The following WASF1 variants were observed in gnomAD, a reference collection of about 807,000 sequenced individuals.
WASF1 encodes the protein actin-binding protein WASF1.
In WASF1, 7 loss-of-function variants were observed where a neutral mutation model predicts 50.5. That is an observed-to-expected ratio of 0.14 (90% CI 0.08 to 0.26). The LOEUF (loss-of-function observed/expected upper bound fraction) is 0.26. Ranked by LOEUF, WASF1 falls within the 10% of genes least tolerant of loss-of-function variation. WASF1 has a pLI of 1.00. For synonymous variants in WASF1, 205 were observed against 244.0 expected, an observed-to-expected ratio of 0.84 and a Z score of 1.49; for missense variants, 470 against 694.7, an observed-to-expected ratio of 0.68 and a Z score of 3.64.
intron 2 of WASF1, among the ~76,000 whole-genome samples, chr6:110,167,806 A>G (rs1049948093): frequency 6.6e-6 from 1 of 152,000 alleles, no homozygotes; most frequent in African/African-American, 2.4e-5. Flanking sequence ...ATAAATCATC[A>G]CCATCTTTCT....
intron 2 of WASF1, 66 bp downstream of exon 2, chr6:110,178,532 G>A (rs949760460): frequency 6.6e-6 from 1 of 152,530 alleles, no homozygotes; most frequent in African/African-American, 2.4e-5. Context: ...AAAAATTTAA[G>A]TCGAATCCAC....
rs115490192 is a variant in WASF1, at chr6:110,126,460, C to T, written c.133+1009G>A. ...CAAATGTAACTTTTTATGTTGCTCT[C>T]GCTACAGGTATGCCTAAACTTTCTT... is the stretch of plus-strand genomic sequence containing the variant. On this transcript the variant is annotated intron_variant, in intron 4 of 10. Coordinates refer to ENST00000392589, the MANE Select transcript of WASF1 (RefSeq NM_003931.3). Among the ~76,000 whole-genome samples the T allele has an allele frequency of 3.8e-3, 581 of 152,256 alleles. 3 individuals carry two copies. The highest frequency in any genetic ancestry group is 0.013 in the African/African-American group (541 of 41,564).
intron 3 of WASF1, among the ~76,000 whole-genome samples, chr6:110,130,006 C>T (rs1221998687): frequency 6.6e-6 from 1 of 152,170 alleles, no homozygotes; most frequent in Non-Finnish European, 1.5e-5. Context: ...TATCAGTGAA[C>T]AACGGTTACT....
intron 2 of WASF1, among the ~76,000 whole-genome samples, chr6:110,162,442 C>CAAAAAAAAAAAAAAAA (rs546932624): frequency 2.9e-5 from 2 of 68,616 alleles, no homozygotes; most frequent in Non-Finnish European, 6.4e-5. Flanking sequence ...AAAGACAAGG[C>CAAAAAAAAAAAAAAAA]AAAAAAAAAA....
At chr6:110,112,188 A>C (rs1019817185) in intron 5 of WASF1, among the ~76,000 whole-genome samples, 12 of 151,922 alleles carry the variant, frequency 7.9e-5, no homozygotes, top group Non-Finnish European at 1.8e-4. Context: ...TAGATCTATT[A>C]TATAATTTGC....
intron 8 of WASF1, among the ~76,000 whole-genome samples, chr6:110,103,792 ATTATT>A (rs1441425844): frequency 2.0e-5 from 3 of 151,978 alleles, no homozygotes; most frequent in African/African-American, 7.3e-5. Context: ...CGGTTATTTT[ATTATT>A]TTATAACAGA....
At chr6:110,116,673 G>C in intron 4 of WASF1, among the ~76,000 whole-genome samples, 1 of 152,198 alleles carries the variant, frequency 6.6e-6, no homozygotes, top group East Asian at 1.9e-4. Flanking sequence ...GAGAGCAGTG[G>C]TTCTCTCAGC....
At chr6:110,136,284 C>T (rs1562176458) in intron 3 of WASF1, among the ~76,000 whole-genome samples, 1 of 152,126 alleles carries the variant, frequency 6.6e-6, no homozygotes, top group East Asian at 1.9e-4. Context: ...CACTTTGTAT[C>T]ACTTCATCCT....
At chr6:110,140,855 T>A (rs751977211) in intron 3 of WASF1, among the ~76,000 whole-genome samples, 3 of 152,044 alleles carry the variant, frequency 2.0e-5, no homozygotes, top group African/African-American at 7.3e-5. Context: ...TTAAGCTATG[T>A]CAGAAGGAGC....
intron 2 of WASF1, among the ~76,000 whole-genome samples, chr6:110,168,555 T>A (rs189681397): frequency 1.4e-4 from 21 of 152,194 alleles, no homozygotes; most frequent in African/African-American, 5.1e-4. Context: ...ACCACCTTCA[T>A]CCCTCCAAGA....
chr6:110,140,996 T>C (rs1231727576), intron 3 of WASF1, among the ~76,000 whole-genome samples: 2 of 152,198 alleles, frequency 1.3e-5, no homozygotes, highest in Admixed American at 1.3e-4. Flanking sequence ...CAAGATTTCA[T>C]CATGCTACTC....
At chr6:110,141,044 T>C (rs917239546) in intron 3 of WASF1, among the ~76,000 whole-genome samples, 28 of 152,208 alleles carry the variant, frequency 1.8e-4, no homozygotes, top group Non-Finnish European at 3.8e-4. Flanking sequence ...AATTTTTTTT[T>C]CTGGAATTTT....
intron 3 of WASF1, among the ~76,000 whole-genome samples, chr6:110,147,482 T>G (rs567052918): frequency 9.9e-5 from 15 of 152,024 alleles, no homozygotes; most frequent in Non-Finnish European, 1.6e-4. Context: ...AGCTACATAC[T>G]CAGCAATTCA....
chr6:110,168,425 T>C (rs1398230907), intron 2 of WASF1, among the ~76,000 whole-genome samples: 11 of 152,148 alleles, frequency 7.2e-5, no homozygotes, highest in Admixed American at 7.2e-4. Flanking sequence ...ATTTTTATGA[T>C]GTTAACACTA....
intron 4 of WASF1, among the ~76,000 whole-genome samples, chr6:110,122,899 C>T (rs916382265): frequency 6.6e-6 from 1 of 151,804 alleles, no homozygotes; most frequent in African/African-American, 2.4e-5. Flanking sequence ...GTTCAAGGGC[C>T]AACTGTATTT....
At position 110,101,714 on chromosome 6, in the gene WASF1, G is replaced by A; in HGVS notation, c.1396C>T (p.His466Tyr). 3 of 1,614,148 alleles carry A rather than the reference G, an allele frequency of 1.9e-6. No homozygotes were observed. The highest frequency in any genetic ancestry group is 2.5e-6 in the Non-Finnish European group (3 of 1,180,008). ...GGAGATGGAGGCATTAATGGAACATGGGGACCTGGGGCAGTAGATGGAGTT... is the reference window on the plus strand; with the variant it reads ...GGAGATGGAGGCATTAATGGAACATAGGGACCTGGGGCAGTAGATGGAGTT... ...HPTPSTAPGP[H>Y]VPLMPPSPPS... The change falls in exon 10 of 11, where the codon CAT becomes TAT. Residue 466 changes from histidine to tyrosine, a missense_variant. Physicochemically the swap from His to Tyr is moderately conservative, Grantham distance 83 (BLOSUM62 2). Coordinates refer to ENST00000392589, the MANE Select transcript of WASF1 (RefSeq NM_003931.3).
chr6:110,177,698 T>C (rs1218709974), intron 2 of WASF1, among the ~76,000 whole-genome samples: 1 of 152,110 alleles, frequency 6.6e-6, no homozygotes, highest in Non-Finnish European at 1.5e-5. Flanking sequence ...TCAACTTATA[T>C]TATATGTACG....
intron 3 of WASF1, among the ~76,000 whole-genome samples, chr6:110,144,309 TG>T (rs977115851): frequency 6.6e-6 from 1 of 152,132 alleles, no homozygotes; most frequent in Non-Finnish European, 1.5e-5. Flanking sequence ...GTGATGGGGT[TG>T]TTTGTTTTTT....
At chr6:110,152,422 T>C (rs1310169396) in intron 3 of WASF1, among the ~76,000 whole-genome samples, 4 of 152,208 alleles carry the variant, frequency 2.6e-5, no homozygotes, top group African/African-American at 7.2e-5. Flanking sequence ...ATTTCATATA[T>C]GTCTGTATTA....
Sources: gnomAD v4.1 joint callset for allele counts (sites outside exome capture counted in the v4.1 genomes callset) on GRCh38, gnomAD v4.1.1 for gene constraint, MANE v1.5 for transcripts, NCBI Gene and HGNC (gene_info 2026-07-23, HGNC 2026-07-21) for gene names.